YTHDC2: variants seen among roughly 807,000 people sequenced by gnomAD.
The protein encoded by YTHDC2 is 3'-5' RNA helicase YTHDC2.
YTHDC2 carries 45 observed loss-of-function variants against 174.9 expected under a neutral mutation model. The observed-to-expected ratio is 0.26, with a 90% CI of 0.20 to 0.33. The LOEUF (loss-of-function observed/expected upper bound fraction) is 0.33, where lower values mean the gene tolerates loss of function less well. YTHDC2 is among the 10% of genes least tolerant of loss of function. The pLI is 1.00. For missense variants in YTHDC2, 1,650 were observed against 1,723.7 expected, an observed-to-expected ratio of 0.96 and a Z score of 0.76; for synonymous variants, 657 against 574.5, an observed-to-expected ratio of 1.14 and a Z score of -2.05.
At chr5:113,524,508 C>T (rs1300793250) in intron 2 of YTHDC2, among the ~76,000 whole-genome samples, 1 of 152,120 alleles carries the variant, frequency 6.6e-6, no homozygotes, top group Non-Finnish European at 1.5e-5. Flanking sequence ...AAACTTGGCT[C>T]TCTTAACAGG....
At position 113,529,819 on chromosome 5, in the gene YTHDC2, T is replaced by A. The variant is rs115368344; in HGVS notation, c.675+3034T>A. The stretch of plus-strand genomic sequence containing the variant: ...ACTTTTTACCTTTGTTTATGGTATC[T>A]TGTTCAGTAGTTTTACATTTTTATT... On this transcript the variant is annotated intron_variant, in intron 4 of 29. Coordinates refer to ENST00000161863, the MANE Select transcript of YTHDC2 (RefSeq NM_022828.5). Among the ~76,000 whole-genome samples the A allele has an allele frequency of 3.2e-3, 494 of 152,310 alleles. 2 individuals are homozygous for A. The highest frequency in any genetic ancestry group is 0.011 in the African/African-American group (464 of 41,560).
intron 7 of YTHDC2, 93 bp downstream of exon 7, chr5:113,535,891 G>A (rs1775023389): frequency 9.3e-7 from 1 of 1,078,856 alleles, no homozygotes; most frequent in South Asian, 1.8e-5. Flanking sequence ...ATGTTCTGAA[G>A]TAGAGGCCAT....
rs1162164180 is a variant in YTHDC2 at position 113,519,112 on chromosome 5, A to G, written c.278+3750A>G. Among the ~76,000 whole-genome samples the G allele has an allele frequency of 4.0e-5, 6 of 151,842 alleles. No homozygotes were observed. In the East Asian group the frequency reaches 1.2e-3, roughly 29 times the overall value. ...GGTCTCAAACTCCTGGGCTCAAGTGATCCTCCTGCCTAGGCCGCCCAAAGT... is the reference window on the plus strand; with the variant it reads ...GGTCTCAAACTCCTGGGCTCAAGTGGTCCTCCTGCCTAGGCCGCCCAAAGT... On this transcript the variant is annotated intron_variant, in intron 2 of 29. Transcript: ENST00000161863.
intron 4 of YTHDC2, among the ~76,000 whole-genome samples, chr5:113,531,344 C>G (rs1291040639): frequency 2.0e-5 from 3 of 152,116 alleles, no homozygotes; most frequent in Non-Finnish European, 4.4e-5. Context: ...AGAGTTGTAG[C>G]TGCGGTCCCA....
intron 17 of YTHDC2, among the ~76,000 whole-genome samples, chr5:113,560,470 A>G (rs1776886774): frequency 6.6e-6 from 1 of 152,180 alleles, no homozygotes; most frequent in South Asian, 2.1e-4. Context: ...ATAATGTGTT[A>G]TAGTGATGAT....
chr5:113,586,464 T>C (rs1424774814), intron 26 of YTHDC2, among the ~76,000 whole-genome samples: 1 of 152,006 alleles, frequency 6.6e-6, no homozygotes, highest in African/African-American at 2.4e-5. Context: ...GTGGCTTGTC[T>C]TTCCATTTCC....
At chr5:113,572,084 T>A (rs1284630252) in intron 23 of YTHDC2, among the ~76,000 whole-genome samples, 1 of 152,216 alleles carries the variant, frequency 6.6e-6, no homozygotes, top group Non-Finnish European at 1.5e-5. Context: ...GAAATCTTTC[T>A]AGCTTTCTGA....
At position 113,531,713 on chromosome 5, in the gene YTHDC2, C is replaced by T. The variant is rs1223884592; in HGVS notation, c.676-1166C>T. On this transcript the variant is annotated intron_variant, in intron 4 of 29. Coordinates refer to ENST00000161863, the MANE Select transcript of YTHDC2 (RefSeq NM_022828.5). ...CTAGTCAAGTTTAAAAAAAAAAATC[C>T]TAGGGGCCAGCACATGTATGAAAAG... Among the ~76,000 whole-genome samples, 3 of 151,936 alleles carry T rather than the reference C, an allele frequency of 2.0e-5. No homozygotes were observed. The East Asian group carries it at 5.8e-4, about 29-fold the overall frequency.
intron 20 of YTHDC2, among the ~76,000 whole-genome samples, chr5:113,564,360 A>C (rs1777199138): frequency 6.6e-6 from 1 of 151,994 alleles, no homozygotes; most frequent in South Asian, 2.1e-4. Context: ...ATATGTGTGT[A>C]TTTGTATATA....
intron 2 of YTHDC2, among the ~76,000 whole-genome samples, chr5:113,523,193 G>A (rs1394360297): frequency 6.6e-6 from 1 of 152,126 alleles, no homozygotes; most frequent in Non-Finnish European, 1.5e-5. Flanking sequence ...GTGAAATATA[G>A]CAAAACCTTT....
chr5:113,567,613 T>G (rs1777433250), intron 22 of YTHDC2, 41 bp from the exon 23 acceptor site: 2 of 1,472,800 alleles, frequency 1.4e-6, no homozygotes, highest in Admixed American at 2.3e-5. Flanking sequence ...AACTAGGTGA[T>G]AAACACAATT....
chr5:113,591,157 T>C lies in YTHDC2; in HGVS notation c.3942T>C (p.Pro1314=). Residue 1314 remains proline, a synonymous_variant, in exon 27 of 30, where the codon CCT becomes CCC. Coordinates refer to ENST00000161863, the MANE Select transcript of YTHDC2 (RefSeq NM_022828.5). ...AGAAGGGTATCTGGTCTACAACTCC[T>C]AGTAATGAACGGAAGCTAAATCGAG... ...SQQKGIWSTT[P]SNERKLNRAF... is the part of the protein sequence containing the mutation. 1 of 1,613,986 alleles carries C rather than the reference T, an allele frequency of 6.2e-7. No individual in the cohort carries two copies.
At chr5:113,544,907 C>T (rs1167718742) in intron 10 of YTHDC2, among the ~76,000 whole-genome samples, 1 of 152,048 alleles carries the variant, frequency 6.6e-6, no homozygotes. Context: ...CAGCCAACCC[C>T]ATTGTCATAT....
intron 23 of YTHDC2, among the ~76,000 whole-genome samples, chr5:113,578,924 T>C (rs1778228854): frequency 6.6e-6 from 1 of 152,154 alleles, no homozygotes. Context: ...TTATACATAC[T>C]GTATGTTTTA....
intron 10 of YTHDC2, among the ~76,000 whole-genome samples, chr5:113,543,640 A>C (rs140441578): frequency 3.2e-4 from 48 of 152,108 alleles, no homozygotes; most frequent in African/African-American, 1.1e-3. Context: ...CTTGTTCTCA[A>C]CTCTCGCAGG....
intron 7 of YTHDC2, among the ~76,000 whole-genome samples, chr5:113,538,655 G>A (rs112023486): frequency 0.031 from 4,744 of 151,876 alleles, 97 homozygotes; most frequent in African/African-American, 0.053. Flanking sequence ...CAAATCCCCC[G>A]TTACATACTG....
At chr5:113,529,357 T>C (rs944041865) in intron 4 of YTHDC2, among the ~76,000 whole-genome samples, 2 of 152,190 alleles carry the variant, frequency 1.3e-5, no homozygotes, top group African/African-American at 2.4e-5. Flanking sequence ...AATATTTCTT[T>C]GCTTATTTGT....
intron 12 of YTHDC2, among the ~76,000 whole-genome samples, chr5:113,549,887 C>G (rs1259685413): frequency 1.3e-5 from 2 of 151,478 alleles, no homozygotes; most frequent in Non-Finnish European, 2.9e-5. Flanking sequence ...AGTAGATGTG[C>G]AGTGAGTGTT....
rs775761607 is a variant in YTHDC2, at chr5:113,515,239, C to T, written c.188-33C>T. ...TACTTGAGAGAAAATTGCCTATCTA[C>T]AAATTTTACTACTTTGTTTTTTTTC... On this transcript the variant is annotated intron_variant, in intron 1 of 29. Transcript: ENST00000161863. 3.8e-6 allele frequency: 6 copies of T among 1,571,596 alleles called. No individual in the cohort carries two copies. The African/African-American group carries it at 6.8e-5, about 18-fold the overall frequency.
Sources: gnomAD v4.1 joint callset for allele counts (sites outside exome capture counted in the v4.1 genomes callset) on GRCh38, gnomAD v4.1.1 for gene constraint, MANE v1.5 for transcripts, NCBI Gene and HGNC (gene_info 2026-07-23, HGNC 2026-07-21) for gene names.